Variants in NUDT19 observed in about 807,000 individuals in gnomAD.
NUDT19 encodes nudix hydrolase 19.
NUDT19 carries 31 observed loss-of-function variants against 22.2 expected under a neutral mutation model. That is an observed-to-expected ratio of 1.40 (90% CI 1.05 to 1.89). NUDT19 has a LOEUF of 1.89. Ranked by LOEUF, NUDT19 falls within the 40% of genes most tolerant of loss-of-function variation. The pLI is 0.00. For missense variants in NUDT19, 752 were observed against 514.2 expected, an observed-to-expected ratio of 1.46 and a Z score of -4.47; for synonymous variants, 325 against 230.8, an observed-to-expected ratio of 1.41 and a Z score of -3.70.
intron 1 of NUDT19, among the ~76,000 whole-genome samples, chr19:32,701,919 A>G (rs534470177): frequency 6.8e-4 from 103 of 152,332 alleles, no homozygotes; most frequent in Non-Finnish European, 1.2e-3. Context: ...TGGGAGGCCA[A>G]GGAGGGCTGA....
Position 32,711,884 on chromosome 19 carries a change from T to A in NUDT19, c.1055T>A (p.Ile352Asn), listed in dbSNP as rs1358806095. 1 of 1,613,996 alleles carries A rather than the reference T, an allele frequency of 6.2e-7. No individual in the cohort carries two copies. The highest frequency in any genetic ancestry group is 1.7e-5 in the Admixed American group (1 of 59,996). Residue 352 changes from isoleucine to asparagine, a missense_variant, in exon 3 of 3, where the codon ATC becomes AAC. By Grantham distance (149) the Ile-to-Asn change is moderately radical (BLOSUM62 -3). Transcript: ENST00000397061. ...ACATACCATCGCCACCTTTATGATA[T>A]CCACGTGACTGTTCAGCCAAAGTAT... ...IVTYHRHLYD[I>N]HVTVQPKYKH...
rs1358805796 is a variant in NUDT19 at position 32,711,954 on chromosome 19, G to C, written c.1125G>C (p.Leu375Phe). ...ACTCTGTAGTAAGAAAAAGCCATTT[G>C]TAGGGTGCTTAAGCTTGTTTGTAAA... ...PKNSVVRKSHL is the reference protein window; with the variant it reads ...PKNSVVRKSHF The change falls in exon 3 of 3, where the codon TTG becomes TTC. Residue 375 changes from leucine to phenylalanine, a missense_variant. Coordinates refer to ENST00000397061, the MANE Select transcript of NUDT19 (RefSeq NM_001105570.2). 1 of 1,608,368 alleles carries C rather than the reference G, an allele frequency of 6.2e-7. No homozygotes were observed. The highest frequency in any genetic ancestry group is 8.5e-7 in the Non-Finnish European group (1 of 1,175,008).
Position 32,698,700 on chromosome 19 carries a change from A to G in NUDT19, c.714+6026A>G, listed in dbSNP as rs181989134. Among the ~76,000 whole-genome samples the G allele has an allele frequency of 2.0e-4, 31 of 152,312 alleles. No individual in the cohort carries two copies. The East Asian group carries it at 5.6e-3, about 27-fold the overall frequency. Reference sequence around the variant, plus strand: ...GAAACACTAGTTCTCCTAGACCACAAGGAGGAATGAGGAAGGTCAGATTTC... The same window carrying G: ...GAAACACTAGTTCTCCTAGACCACAGGGAGGAATGAGGAAGGTCAGATTTC... On this transcript the variant is annotated intron_variant, in intron 1 of 2. Coordinates refer to ENST00000397061, the MANE Select transcript of NUDT19 (RefSeq NM_001105570.2).
chr19:32,706,454 C>T (rs896771425), intron 1 of NUDT19, among the ~76,000 whole-genome samples: 6 of 152,166 alleles, frequency 3.9e-5, no homozygotes, highest in South Asian at 4.1e-4. Context: ...GGGGCCGAGG[C>T]GGGCAGATTA....
intron 2 of NUDT19, among the ~76,000 whole-genome samples, chr19:32,711,292 G>T (rs1221676243): frequency 6.6e-6 from 1 of 152,034 alleles, no homozygotes; most frequent in Non-Finnish European, 1.5e-5. Context: ...GGCGAAACCT[G>T]TCTCTACTAA....
chr19:32,699,823 GGT>G (rs902570853), intron 1 of NUDT19, among the ~76,000 whole-genome samples: 5 of 151,870 alleles, frequency 3.3e-5, no homozygotes, highest in African/African-American at 1.2e-4. Context: ...TCTTAAAGAT[GGT>G]GTGTCTGGAG....
chr19:32,703,940 G>A (rs1968361661), intron 1 of NUDT19, among the ~76,000 whole-genome samples: 2 of 152,108 alleles, frequency 1.3e-5, no homozygotes, highest in Non-Finnish European at 2.9e-5. Context: ...TGGGATCACA[G>A]GCATGAGCCA....
At chr19:32,706,628 A>G (rs1166641843) in intron 1 of NUDT19, among the ~76,000 whole-genome samples, 1 of 152,226 alleles carries the variant, frequency 6.6e-6, no homozygotes, top group Non-Finnish European at 1.5e-5. Context: ...GTTTGCAGTG[A>G]GCAGAGATCA....
In NUDT19 at chr19:32,709,405, A is replaced by C. The variant is rs1446535756; in HGVS notation, c.922+13A>C. The C allele has an allele frequency of 1.9e-6, 3 of 1,610,030 alleles. No individual in the cohort carries two copies. On this transcript the variant is annotated intron_variant, in intron 2 of 2. Transcript: ENST00000397061. ...CATCTTTTACCAGGTAAACCAGTGA[A>C]GCATCGGTGCTTTTGTTAGTATTCA...
intron 1 of NUDT19, among the ~76,000 whole-genome samples, chr19:32,697,957 GA>G (rs765193453): frequency 6.6e-6 from 1 of 152,176 alleles, no homozygotes; most frequent in Non-Finnish European, 1.5e-5. Context: ...GATAGCCCGG[GA>G]AGGGGGCGTT....
intron 2 of NUDT19, among the ~76,000 whole-genome samples, chr19:32,710,550 C>A (rs535111914): frequency 1.3e-5 from 2 of 151,246 alleles, no homozygotes; most frequent in East Asian, 3.9e-4. Flanking sequence ...CAAGATCATG[C>A]CACTGCACTC....
At position 32,692,577 on chromosome 19, in the gene NUDT19, G is replaced by T. The variant is rs1258992777; in HGVS notation, c.617G>T (p.Arg206Leu). Residue 206 changes from arginine to leucine, a missense_variant, in exon 1 of 3, where the codon CGG (arginine) becomes CTG (leucine). Coordinates refer to ENST00000397061, the MANE Select transcript of NUDT19 (RefSeq NM_001105570.2). ...AGCGCCTGGCTCACCCCTTTCTTGC[G>T]GGGCACCACTCGCCGCTTTGACACG... ...NWSAWLTPFL[R>L]GTTRRFDTAF... The T allele has an allele frequency of 2.5e-6, 4 of 1,592,808 alleles. No individual in the cohort carries two copies. Among genetic ancestry groups the T allele is most frequent in the Non-Finnish European group, 3.4e-6 (4 of 1,172,346 alleles).
chr19:32,693,897 G>A (rs147440033), intron 1 of NUDT19, among the ~76,000 whole-genome samples: 3 of 152,164 alleles, frequency 2.0e-5, no homozygotes, highest in Non-Finnish European at 4.4e-5. Context: ...GTTGGGAATT[G>A]GGCAATGACT....
chr19:32,711,834 A>G lies in NUDT19; in HGVS notation c.1005A>G (p.Glu335=), dbSNP rs779303480. The G allele has an allele frequency of 1.2e-5, 20 of 1,613,758 alleles. No individual in the cohort carries two copies. The Admixed American group carries it at 2.8e-4, about 23-fold the overall frequency. The part of the protein sequence containing the change: ...TEKKTEEIMK[E]GKQFHRIVTY... ...AAAAGACTGAGGAAATCATGAAGGA[A>G]GGCAAGCAGTTTCACCGGATAGTGA... Residue 335 remains glutamate, a synonymous_variant, in exon 3 of 3, where the codon GAA becomes GAG. Coordinates refer to ENST00000397061, the MANE Select transcript of NUDT19 (RefSeq NM_001105570.2).
chr19:32,699,865 G>A (rs150353106), intron 1 of NUDT19, among the ~76,000 whole-genome samples: 8 of 152,150 alleles, frequency 5.3e-5, no homozygotes, highest in African/African-American at 7.2e-5. Context: ...AGATGTGTCC[G>A]GAGTTTCTTT....
At chr19:32,702,280 G>T (rs760355111) in intron 1 of NUDT19, among the ~76,000 whole-genome samples, 3 of 152,144 alleles carry the variant, frequency 2.0e-5, no homozygotes, top group Non-Finnish European at 4.4e-5. Context: ...AAGCACCTGC[G>T]GTAGATCCAA....
chr19:32,695,510 G>GT (rs1186620808), intron 1 of NUDT19, among the ~76,000 whole-genome samples: 12 of 152,190 alleles, frequency 7.9e-5, no homozygotes, highest in African/African-American at 2.9e-4. Flanking sequence ...AGGGTGCACT[G>GT]TTTTTTCTTT....
At chr19:32,693,664 T>C (rs1968231180) in intron 1 of NUDT19, among the ~76,000 whole-genome samples, 1 of 152,222 alleles carries the variant, frequency 6.6e-6, no homozygotes, top group Admixed American at 6.5e-5. Flanking sequence ...AATCTTTAGC[T>C]AGACAGAGCA....
At chr19:32,708,856 T>C (rs1433326016) in intron 1 of NUDT19, among the ~76,000 whole-genome samples, 1 of 152,082 alleles carries the variant, frequency 6.6e-6, no homozygotes, top group East Asian at 1.9e-4. Context: ...CTTCAGAGTC[T>C]TTCTTCTTTC....
Sources: allele counts gnomAD v4.1 joint callset (sites outside exome capture counted in the v4.1 genomes callset), GRCh38; gene constraint gnomAD v4.1.1; transcripts MANE v1.5; gene names NCBI Gene and HGNC (gene_info 2026-07-23, HGNC 2026-07-21).